The following AUTS2 variants were observed in gnomAD, a reference collection of about 807,000 sequenced individuals.
AUTS2 encodes the protein activator of transcription and developmental regulator AUTS2, also known as autism susceptibility gene 2 protein.
AUTS2 carries 17 observed loss-of-function variants against 112.4 expected under a neutral mutation model. That is an observed-to-expected ratio of 0.15 (90% CI 0.10 to 0.23). The LOEUF (loss-of-function observed/expected upper bound fraction) is 0.23, where lower values mean the gene tolerates loss of function less well. Ranked by LOEUF, AUTS2 falls within the 10% of genes least tolerant of loss-of-function variation. The probability of loss-of-function intolerance (pLI) is 1.00; values close to 1 mark genes in which losing one functional copy is unlikely to be tolerated. For missense variants in AUTS2, 1,510 were observed against 1,701.6 expected, an observed-to-expected ratio of 0.89 and a Z score of 1.98; for synonymous variants, 751 against 702.7, an observed-to-expected ratio of 1.07 and a Z score of -1.09.
At chr7:69,993,341 G>A (rs559759086) in intron 2 of AUTS2, among the ~76,000 whole-genome samples, 14 of 152,250 alleles carry the variant, frequency 9.2e-5, no homozygotes, top group African/African-American at 2.2e-4. Flanking sequence ...CAGCATTCCC[G>A]AAACTGCTGG....
intron 5 of AUTS2, among the ~76,000 whole-genome samples, chr7:70,578,086 T>A (rs1471587660): frequency 6.6e-6 from 1 of 152,212 alleles, no homozygotes; most frequent in Non-Finnish European, 1.5e-5. Flanking sequence ...CGCCTCGGCC[T>A]CTCAAAGTGC....
chr7:70,648,064 CT>C (rs1396036138), intron 5 of AUTS2, among the ~76,000 whole-genome samples: 2 of 152,174 alleles, frequency 1.3e-5, no homozygotes, highest in East Asian at 3.8e-4. Context: ...CCGAACCTTT[CT>C]TTGCCTCGGT....
chr7:69,870,448 A>C (rs28667218), intron 1 of AUTS2, among the ~76,000 whole-genome samples: 1 of 78,970 alleles, frequency 1.3e-5, no homozygotes, highest in South Asian at 4.9e-4. Context: ...ATGTGTGTGT[A>C]ATATATATAT....
At chr7:70,536,107 C>T (rs1321409954) in intron 5 of AUTS2, among the ~76,000 whole-genome samples, 2 of 152,142 alleles carry the variant, frequency 1.3e-5, no homozygotes, top group East Asian at 3.9e-4. Flanking sequence ...GTGGGTGGAT[C>T]ACTTGAGGTC....
chr7:69,849,161 G>GA (rs1319186230), intron 1 of AUTS2, among the ~76,000 whole-genome samples: 2 of 152,182 alleles, frequency 1.3e-5, no homozygotes, highest in Non-Finnish European at 2.9e-5. Context: ...CAGCCTGGGT[G>GA]AAAGAGCAAG....
At chr7:69,619,822 AG>A (rs1014634657) in intron 1 of AUTS2, among the ~76,000 whole-genome samples, 7 of 152,020 alleles carry the variant, frequency 4.6e-5, no homozygotes, top group African/African-American at 1.5e-4. Context: ...TGTGGGGGAG[AG>A]GTGGGTGAGT....
chr7:70,743,113 G>A (rs533830191), intron 6 of AUTS2, among the ~76,000 whole-genome samples: 17 of 152,178 alleles, frequency 1.1e-4, no homozygotes, highest in African/African-American at 4.1e-4. Context: ...GTTTAGTAAG[G>A]GAGTTTCACC....
At chr7:70,789,723 C>T in intron 18 of AUTS2, 25 bp from the exon 19 acceptor site, 1 of 1,599,322 alleles carries the variant, frequency 6.3e-7, no homozygotes. Context: ...TCATCTGCGT[C>T]CTTGTCTTCC....
chr7:70,475,872 C>T (rs1399339736), intron 5 of AUTS2, among the ~76,000 whole-genome samples: 1 of 151,996 alleles, frequency 6.6e-6, no homozygotes, highest in Non-Finnish European at 1.5e-5. Context: ...CCTGTCTCTA[C>T]AAAAAACTTT....
At chr7:69,816,294 G>A (rs775740722) in intron 1 of AUTS2, among the ~76,000 whole-genome samples, 26 of 152,156 alleles carry the variant, frequency 1.7e-4, no homozygotes, top group East Asian at 5.8e-4. Flanking sequence ...CTTACATTCC[G>A]TTCTCCCCAG....
At chr7:70,461,581 G>A (rs1796965106) in intron 5 of AUTS2, among the ~76,000 whole-genome samples, 4 of 152,184 alleles carry the variant, frequency 2.6e-5, no homozygotes, top group African/African-American at 9.7e-5. Flanking sequence ...TACTAGTAAT[G>A]ATCATAGTAA....
In AUTS2 at chr7:70,769,774, C is replaced by T. The variant is rs192604052; in HGVS notation, c.1734+1706C>T. On this transcript the variant is annotated intron_variant, in intron 10 of 18. Transcript: ENST00000342771. ...GGACCCACTGCGGTGCCTTCTGATA[C>T]GCATATTCTACAGTCCTAGGCCAAA... Among the ~76,000 whole-genome samples, 249 of 152,254 alleles carry T rather than the reference C, an allele frequency of 1.6e-3. 1 individual carries two copies. The highest frequency in any genetic ancestry group is 0.015 in the South Asian group (70 of 4,818).
intron 2 of AUTS2, among the ~76,000 whole-genome samples, chr7:69,943,570 A>G (rs996023448): frequency 6.6e-6 from 1 of 152,160 alleles, no homozygotes; most frequent in Non-Finnish European, 1.5e-5. Flanking sequence ...TTCTCTTTCT[A>G]TGTCATCATT....
chr7:70,082,326 C>T (rs771577134), intron 2 of AUTS2, among the ~76,000 whole-genome samples: 9 of 152,068 alleles, frequency 5.9e-5, no homozygotes, highest in Non-Finnish European at 1.2e-4. Context: ...AAAACTTTTT[C>T]GAAATCATCC....
At chr7:70,747,236 C>G (rs1788508725) in intron 6 of AUTS2, among the ~76,000 whole-genome samples, 1 of 152,218 alleles carries the variant, frequency 6.6e-6, no homozygotes, top group Non-Finnish European at 1.5e-5. Context: ...CAGGTGATTG[C>G]AGGAAAGTAG....
chr7:70,306,494 C>T (rs994573041), intron 4 of AUTS2, among the ~76,000 whole-genome samples: 8 of 152,160 alleles, frequency 5.3e-5, no homozygotes, highest in Admixed American at 5.2e-4. Context: ...GTAGCCTATA[C>T]AAAACATAAA....
rs1038905061 is a variant in AUTS2 at position 69,764,347 on chromosome 7, A to G, written c.310-134939A>G. 2.0e-5 allele frequency among the ~76,000 whole-genome samples: 3 copies of G among 149,986 alleles called. No homozygotes were observed. The East Asian group carries it at 5.8e-4, about 29-fold the overall frequency. On this transcript the variant is annotated intron_variant, in intron 1 of 18. Transcript: ENST00000342771. The stretch of plus-strand genomic sequence containing the variant: ...TGCTCTGGAATTATGAGTGCCTGCC[A>G]GAGTGCCTGCCTGCTTTTGTTCTAG...
chr7:69,673,615 A>T (rs1275039932), intron 1 of AUTS2, among the ~76,000 whole-genome samples: 1 of 152,244 alleles, frequency 6.6e-6, no homozygotes, highest in Non-Finnish European at 1.5e-5. Flanking sequence ...ATTCTCATTA[A>T]GAAGTTGGCC....
chr7:69,850,838 G>C (rs1792445499), intron 1 of AUTS2, among the ~76,000 whole-genome samples: 2 of 152,138 alleles, frequency 1.3e-5, no homozygotes, highest in African/African-American at 4.8e-5. Context: ...CAGAGCAAAG[G>C]TTTTTAATTT....
Sources: gnomAD v4.1 joint callset for allele counts (sites outside exome capture counted in the v4.1 genomes callset) on GRCh38, gnomAD v4.1.1 for gene constraint, MANE v1.5 for transcripts, NCBI Gene and HGNC (gene_info 2026-07-23, HGNC 2026-07-21) for gene names.